Variants in GRIA2 observed in about 807,000 individuals in gnomAD.
GRIA2 encodes glutamate ionotropic receptor AMPA type subunit 2.
In GRIA2, 14 loss-of-function variants were observed where a neutral mutation model predicts 97.3. The observed-to-expected ratio is 0.14, with a 90% confidence interval of 0.10 to 0.23. GRIA2 has a LOEUF of 0.23. Among genes scored for constraint, GRIA2 ranks in the 10% least tolerant of loss-of-function variants. GRIA2 has a pLI of 1.00. For missense variants in GRIA2, 558 were observed against 1,069.8 expected (o/e 0.52, Z 6.67); for synonymous variants, 412 against 387.8 (o/e 1.06, Z -0.73).
intron 2 of GRIA2, among the ~76,000 whole-genome samples, chr4:157,295,484 G>GTAGC (rs1242319613): frequency 6.6e-6 from 1 of 152,070 alleles, no homozygotes; most frequent in Non-Finnish European, 1.5e-5. Flanking sequence ...GTTTCATTCA[G>GTAGC]TAGCTATATA....
chr4:157,300,638 T>A (rs1733573281), intron 2 of GRIA2, among the ~76,000 whole-genome samples: 1 of 152,058 alleles, frequency 6.6e-6, no homozygotes, highest in African/African-American at 2.4e-5. Context: ...GTAAGTGCAA[T>A]GAAGAAATAA....
intron 2 of GRIA2, among the ~76,000 whole-genome samples, chr4:157,276,082 C>G (rs932086872): frequency 8.5e-5 from 13 of 152,188 alleles, no homozygotes; most frequent in African/African-American, 3.1e-4. Flanking sequence ...TCCTTCACGT[C>G]CCTTGTAAAT....
At chr4:157,320,977 C>T (rs549237904) in intron 5 of GRIA2, among the ~76,000 whole-genome samples, 125 of 152,170 alleles carry the variant, frequency 8.2e-4, no homozygotes, top group Admixed American at 1.6e-3. Flanking sequence ...TTTAGTACCT[C>T]ATTTTGAAGA....
intron 2 of GRIA2, among the ~76,000 whole-genome samples, chr4:157,270,264 A>T (rs1290884617): frequency 6.6e-6 from 1 of 152,068 alleles, no homozygotes; most frequent in East Asian, 1.9e-4. Context: ...CCGTGTAATG[A>T]CACCTGGAAG....
At chr4:157,300,693 AG>A (rs1733575711) in intron 2 of GRIA2, among the ~76,000 whole-genome samples, 1 of 152,168 alleles carries the variant, frequency 6.6e-6, no homozygotes, top group African/African-American at 2.4e-5. Context: ...GAGTCAGGAG[AG>A]AAGAGCTATT....
At chr4:157,221,380 A>G in intron 1 of GRIA2, 1 of 562,640 alleles carries the variant, frequency 1.8e-6, no homozygotes, top group Non-Finnish European at 3.1e-6. Flanking sequence ...CCTTAGCGAC[A>G]TTTTCCAGTT....
chr4:157,259,747 C>T (rs1206499567), intron 2 of GRIA2, among the ~76,000 whole-genome samples: 2 of 152,054 alleles, frequency 1.3e-5, no homozygotes, highest in African/African-American at 2.4e-5. Context: ...CTAACTTGTC[C>T]TCCACACTTG....
intron 4 of GRIA2, among the ~76,000 whole-genome samples, chr4:157,315,996 C>A (rs980483773): frequency 2.6e-5 from 4 of 152,070 alleles, no homozygotes; most frequent in Non-Finnish European, 4.4e-5. Context: ...TTAGTATGGC[C>A]AGTGCAAATT....
At chr4:157,230,536 T>G (rs2126691159) in intron 2 of GRIA2, among the ~76,000 whole-genome samples, 1 of 147,286 alleles carries the variant, frequency 6.8e-6, no homozygotes. Flanking sequence ...TCTTCCTTCC[T>G]TCTTTCCTTC....
intron 2 of GRIA2, among the ~76,000 whole-genome samples, chr4:157,265,322 T>G (rs560331319): frequency 6.6e-6 from 1 of 152,258 alleles, no homozygotes; most frequent in South Asian, 2.1e-4. Flanking sequence ...CAAAACTTAA[T>G]AGCTTAAAAC....
chr4:157,237,881 C>T (rs1579294683), intron 2 of GRIA2, among the ~76,000 whole-genome samples: 1 of 152,030 alleles, frequency 6.6e-6, no homozygotes, highest in Admixed American at 6.6e-5. Flanking sequence ...AAATGGACTA[C>T]TCGTTTTGCA....
At chr4:157,337,489 C>T (rs1479243596) in intron 11 of GRIA2, among the ~76,000 whole-genome samples, 1 of 151,850 alleles carries the variant, frequency 6.6e-6, no homozygotes, top group Non-Finnish European at 1.5e-5. Flanking sequence ...GAATGATAGC[C>T]ATGTTTGGCT....
chr4:157,222,878 C>G (rs1389119908), intron 2 of GRIA2, among the ~76,000 whole-genome samples: 1 of 152,226 alleles, frequency 6.6e-6, no homozygotes, highest in East Asian at 1.9e-4. Context: ...CGCTCCCCCG[C>G]GCAGGCGTGG....
At chr4:157,303,883 A>G (rs955749728) in intron 3 of GRIA2, 92 bp downstream of exon 3, 18 of 1,314,712 alleles carry the variant, frequency 1.4e-5, no homozygotes, top group Non-Finnish European at 1.9e-5. Flanking sequence ...CAAAGGTGTG[A>G]TAAAGCCCAA....
At chr4:157,297,310 A>C (rs572357770) in intron 2 of GRIA2, among the ~76,000 whole-genome samples, 3 of 152,260 alleles carry the variant, frequency 2.0e-5, no homozygotes, top group African/African-American at 4.8e-5. Context: ...TTATTTCAAC[A>C]CATAAGCACT....
intron 2 of GRIA2, among the ~76,000 whole-genome samples, chr4:157,230,711 A>T (rs1729970321): frequency 6.6e-6 from 1 of 152,008 alleles, no homozygotes. Context: ...CTTCTATATT[A>T]ACCTTGAGCT....
intron 2 of GRIA2, among the ~76,000 whole-genome samples, chr4:157,239,902 T>C (rs938973004): frequency 6.6e-6 from 1 of 152,056 alleles, no homozygotes; most frequent in African/African-American, 2.4e-5. Flanking sequence ...TTTTAAGTTC[T>C]TACTATCGTA....
At chr4:157,319,891 C>T (rs555516863) in intron 5 of GRIA2, among the ~76,000 whole-genome samples, 1 of 152,122 alleles carries the variant, frequency 6.6e-6, no homozygotes, top group East Asian at 1.9e-4. Flanking sequence ...AAGAAGTGGT[C>T]ATAAGGAAAT....
chr4:157,269,536 G>C (rs970145114), intron 2 of GRIA2, among the ~76,000 whole-genome samples: 1 of 152,030 alleles, frequency 6.6e-6, no homozygotes, highest in Non-Finnish European at 1.5e-5. Context: ...TGAAGTAATA[G>C]CAGAGTTCTA....
Sources: gnomAD v4.1 joint callset for allele counts (sites outside exome capture counted in the v4.1 genomes callset) on GRCh38, gnomAD v4.1.1 for gene constraint, MANE v1.5 for transcripts, NCBI Gene and HGNC (gene_info 2026-07-23, HGNC 2026-07-21) for gene names.